Variants in TPTE observed in about 807,000 individuals in gnomAD.
TPTE encodes transmembrane phosphatase with tensin homology, also known as putative tyrosine-protein phosphatase TPTE.
TPTE carries 59 observed loss-of-function variants against 84.1 expected under a neutral mutation model. The ratio of observed to expected loss-of-function variants is 0.70; its 90% CI spans 0.57 to 0.87. The LOEUF is 0.87. Ranked by LOEUF, TPTE falls within the 40% of genes least tolerant of loss-of-function variation. The probability of loss-of-function intolerance (pLI) is 0.00; values close to 1 mark genes in which losing one functional copy is unlikely to be tolerated. For synonymous variants in TPTE, 130 were observed against 223.5 expected (o/e 0.58, Z 3.73); for missense variants, 382 against 659.6 (o/e 0.58, Z 4.61).
At position 10,605,499 on chromosome 21, in the gene TPTE, A is replaced by G. The variant is rs761042461; in HGVS notation, c.1603A>G (p.Ile535Val). The change falls in exon 24 of 24, where the codon ATA becomes GTA. Residue 535 changes from isoleucine (I) to valine (V), a missense_variant. By Grantham distance (29) the Ile-to-Val change is conservative (BLOSUM62 3). Transcript: ENST00000618007. ...TTATCCATCAGATTTTGCCGTGGAG[A>G]TACTTTTTGGCGAGAAAATGACTTC... ...RIYPSDFAVEILFGEKMTSSD... is the reference protein window; with the variant it reads ...RIYPSDFAVEVLFGEKMTSSD... The G allele has an allele frequency of 6.2e-7, 1 of 1,614,242 alleles. No homozygotes were observed. The highest frequency in any genetic ancestry group is 8.5e-7 in the Non-Finnish European group (1 of 1,180,026).
Position 10,591,913 on chromosome 21 carries a change from A to G in TPTE, c.1090-380A>G, listed in dbSNP as rs375857044. ...ACGGGTGGCTCACGCCTGTAATCCC[A>G]GCACTTTGGGAGGCTGAGGCAGGCG... On this transcript the variant is annotated intron_variant, in intron 18 of 23. Transcript: ENST00000618007. Among the ~76,000 whole-genome samples the G allele has an allele frequency of 2.8e-4, 42 of 152,354 alleles. No individual in the cohort carries two copies. The East Asian group carries it at 4.1e-3, about 15-fold the overall frequency.
At chr21:10,555,210 T>C (rs1304729601) in intron 8 of TPTE, among the ~76,000 whole-genome samples, 77 of 152,380 alleles carry the variant, frequency 5.1e-4, no homozygotes, top group Non-Finnish European at 9.3e-4. Context: ...ATATCTTTTT[T>C]TCTCTCTTTT....
At chr21:10,540,434 T>C (rs1289978463) in intron 4 of TPTE, among the ~76,000 whole-genome samples, 2 of 152,308 alleles carry the variant, frequency 1.3e-5, no homozygotes, top group Non-Finnish European at 1.5e-5. Flanking sequence ...GGGAGGCTTT[T>C]TATGTTAGTG....
In TPTE at chr21:10,568,369, T is replaced by C. The variant is rs547930140; in HGVS notation, c.566+580T>C. Among the ~76,000 whole-genome samples the C allele has an allele frequency of 4.6e-5, 7 of 152,266 alleles. No homozygotes were observed. In the East Asian group the frequency reaches 1.2e-3, roughly 25 times the overall value. On this transcript the variant is annotated intron_variant, in intron 11 of 23. Coordinates refer to ENST00000618007, the MANE Select transcript of TPTE (RefSeq NM_199261.4). ...TAGGAGATGACACGTGGCAACACAATAGTAGAGTTTTGCAGTATAGTTGTG... is the reference window on the plus strand; with the variant it reads ...TAGGAGATGACACGTGGCAACACAACAGTAGAGTTTTGCAGTATAGTTGTG...
intron 7 of TPTE, among the ~76,000 whole-genome samples, chr21:10,546,548 T>TAAAACA (rs1258478797): frequency 1.3e-5 from 2 of 152,296 alleles, no homozygotes; most frequent in Non-Finnish European, 2.9e-5. Context: ...GTTGTGAATG[T>TAAAACA]AAAACAAAAA....
intron 3 of TPTE, among the ~76,000 whole-genome samples, chr21:10,538,285 C>G (rs527724753): frequency 1.1e-3 from 164 of 152,360 alleles, no homozygotes; most frequent in African/African-American, 3.8e-3. Flanking sequence ...CTTTACCGTA[C>G]TTGTGGACCA....
chr21:10,566,681 A>G (rs1302840716), intron 10 of TPTE, among the ~76,000 whole-genome samples: 1 of 152,308 alleles, frequency 6.6e-6, no homozygotes, highest in African/African-American at 2.4e-5. Context: ...GCCATAAAAA[A>G]ACAATAAGAA....
intron 3 of TPTE, among the ~76,000 whole-genome samples, chr21:10,535,439 T>C (rs546269034): frequency 6.6e-6 from 1 of 152,426 alleles, no homozygotes; most frequent in South Asian, 2.1e-4. Flanking sequence ...AAATACAGAA[T>C]ATCTTTGACA....
At chr21:10,536,851 A>G (rs1167364676) in intron 3 of TPTE, among the ~76,000 whole-genome samples, 1 of 152,312 alleles carries the variant, frequency 6.6e-6, no homozygotes, top group Non-Finnish European at 1.5e-5. Flanking sequence ...TGTATGAGAC[A>G]TACTAGAGTG....
At chr21:10,587,546 A>G (rs1289373395) in intron 17 of TPTE, among the ~76,000 whole-genome samples, 1 of 150,422 alleles carries the variant, frequency 6.6e-6, no homozygotes, top group Non-Finnish European at 1.5e-5. Flanking sequence ...AAAGGAAATG[A>G]TTTCTTTTTT....
intron 3 of TPTE, among the ~76,000 whole-genome samples, chr21:10,535,892 G>A (rs1212220130): frequency 1.3e-5 from 2 of 152,310 alleles, no homozygotes; most frequent in African/African-American, 4.8e-5. Flanking sequence ...GCCATGATGG[G>A]TGAAAGTAAA....
chr21:10,577,397 C>G (rs1262688667), intron 14 of TPTE, 63 bp from the exon 15 acceptor site: 1 of 1,613,616 alleles, frequency 6.2e-7, no homozygotes, highest in East Asian at 2.2e-5. Context: ...TTTAGGTTCC[C>G]CCTAGGAAAT....
intron 3 of TPTE, among the ~76,000 whole-genome samples, chr21:10,534,353 C>T (rs1445414945): frequency 6.6e-6 from 1 of 152,308 alleles, no homozygotes; most frequent in Non-Finnish European, 1.5e-5. Flanking sequence ...CCTAATTTTA[C>T]TGTAACTACT....
chr21:10,598,893 C>A (rs569482913), intron 21 of TPTE, among the ~76,000 whole-genome samples: 1 of 152,306 alleles, frequency 6.6e-6, no homozygotes, highest in African/African-American at 2.4e-5. Flanking sequence ...TGGCCTCTCC[C>A]GACTGAGGGC....
At chr21:10,564,400 C>T (rs903822408) in intron 10 of TPTE, among the ~76,000 whole-genome samples, 8 of 152,302 alleles carry the variant, frequency 5.3e-5, no homozygotes, top group African/African-American at 1.4e-4. Flanking sequence ...ATTTCAGCTA[C>T]TCATGAGGCC....
chr21:10,585,443 A>G (rs2075347215), intron 17 of TPTE, among the ~76,000 whole-genome samples: 1 of 152,312 alleles, frequency 6.6e-6, no homozygotes, highest in Admixed American at 6.5e-5. Flanking sequence ...GAATAAATGT[A>G]ATTTAGTTGT....
chr21:10,532,611 C>T (rs1383634907), intron 3 of TPTE, among the ~76,000 whole-genome samples: 2 of 152,296 alleles, frequency 1.3e-5, no homozygotes, highest in African/African-American at 4.8e-5. Context: ...ACCATCTTGA[C>T]TTCTTATTAA....
intron 14 of TPTE, among the ~76,000 whole-genome samples, chr21:10,571,285 A>G (rs1029533659): frequency 2.0e-5 from 3 of 152,308 alleles, no homozygotes; most frequent in Non-Finnish European, 2.9e-5. Context: ...CCTGAAGACT[A>G]TATTACTGCA....
intron 17 of TPTE, among the ~76,000 whole-genome samples, chr21:10,587,417 T>A (rs2075386024): frequency 6.6e-6 from 1 of 152,310 alleles, no homozygotes; most frequent in Admixed American, 6.5e-5. Flanking sequence ...GCCACCTTGA[T>A]GTCCATGAGC....
Sources: gnomAD v4.1 joint callset for allele counts (sites outside exome capture counted in the v4.1 genomes callset) on GRCh38, gnomAD v4.1.1 for gene constraint, MANE v1.5 for transcripts, NCBI Gene and HGNC (gene_info 2026-07-23, HGNC 2026-07-21) for gene names.